LRRC49: variants seen among roughly 807,000 people sequenced by gnomAD.
The protein encoded by LRRC49 is leucine rich repeat containing 49.
A neutral mutation model predicts 83.3 loss-of-function variants in LRRC49; 50 were observed. The observed-to-expected ratio is 0.60, with a 90% CI of 0.48 to 0.76. LRRC49 has a LOEUF of 0.76. LRRC49 is among the 30% of genes least tolerant of loss of function. LRRC49 has a pLI of 0.00. For synonymous variants in LRRC49, 286 were observed against 283.3 expected (o/e 1.01, Z -0.10); for missense variants, 704 against 809.1 (o/e 0.87, Z 1.58).
intron 5 of LRRC49, 65 bp from the exon 6 acceptor site, chr15:70,911,467 C>A (rs1329365600): frequency 2.3e-6 from 2 of 861,942 alleles, no homozygotes; most frequent in African/African-American, 1.7e-5. Context: ...TATGCCTTAG[C>A]ATACTTTGAT....
At chr15:70,995,157 A>G (rs141897920) in intron 11 of LRRC49, among the ~76,000 whole-genome samples, 1 of 152,228 alleles carries the variant, frequency 6.6e-6, no homozygotes, top group Non-Finnish European at 1.5e-5. Context: ...TGACAAAGGA[A>G]AAGATAGAAA....
rs1341458411 is a variant in LRRC49, at chr15:70,893,616, A to G, written c.81A>G (p.Thr27=). The part of the protein sequence containing the change: ...VNCGLHLVIQ[T]SSLPEKNKVE... ...GCGGGCTTCATCTGGTTATTCAAAC[A>G]TCATCGCTTCCTGAAAAAAACAAAG... Residue 27 remains threonine, a synonymous_variant, in exon 2 of 16, where the codon ACA becomes ACG. Transcript: ENST00000260382. 4 of 1,611,576 alleles carry G rather than the reference A, an allele frequency of 2.5e-6. No individual in the cohort carries two copies. The East Asian group carries it at 8.9e-5, about 36-fold the overall frequency.
At chr15:70,878,050 G>C in intron 2 of LRRC49, among the ~76,000 whole-genome samples, 1 of 152,096 alleles carries the variant, frequency 6.6e-6, no homozygotes, top group East Asian at 1.9e-4. Context: ...GGAGAATGGC[G>C]TGAACCCGGG....
intron 8 of LRRC49, among the ~76,000 whole-genome samples, chr15:70,956,570 C>T (rs2036410542): frequency 6.7e-6 from 1 of 149,028 alleles, no homozygotes; most frequent in Admixed American, 6.7e-5. Context: ...TTTCACTATA[C>T]TTACTGTTTT....
At chr15:70,941,208 G>C (rs966591374) in intron 8 of LRRC49, among the ~76,000 whole-genome samples, 3 of 152,120 alleles carry the variant, frequency 2.0e-5, no homozygotes, top group Non-Finnish European at 2.9e-5. Context: ...CAGAAAAATA[G>C]ACTTTGAGGT....
chr15:70,885,733 A>G (rs996561660), intron 2 of LRRC49, among the ~76,000 whole-genome samples: 23 of 152,224 alleles, frequency 1.5e-4, no homozygotes, highest in African/African-American at 5.3e-4. Context: ...CCAAATAGGT[A>G]GAATTTGAAG....
At chr15:71,032,196 G>A (rs1177290011) in intron 14 of LRRC49, among the ~76,000 whole-genome samples, 1 of 152,218 alleles carries the variant, frequency 6.6e-6, no homozygotes, top group African/African-American at 2.4e-5. Flanking sequence ...CAGCGGGGTA[G>A]CACAGTCCCT....
chr15:70,947,507 C>A (rs367784215), intron 8 of LRRC49, among the ~76,000 whole-genome samples: 2 of 152,284 alleles, frequency 1.3e-5, no homozygotes, highest in South Asian at 4.1e-4. Context: ...AACCTTGCAG[C>A]TTTTGGAAAA....
At chr15:70,984,628 TTATTAC>T (rs1274450993) in intron 11 of LRRC49, 3 of 155,660 alleles carry the variant, frequency 1.9e-5, no homozygotes, top group African/African-American at 7.2e-5. Flanking sequence ...TTTTTTATTA[TTATTAC>T]TATTATTATT....
At chr15:70,954,628 AG>A (rs1458562599) in intron 8 of LRRC49, among the ~76,000 whole-genome samples, 3 of 152,046 alleles carry the variant, frequency 2.0e-5, no homozygotes, top group Non-Finnish European at 4.4e-5. Flanking sequence ...TATTGCCCTT[AG>A]GGTTTTTTGA....
chr15:71,047,480 G>C (rs982152626), intron 15 of LRRC49, among the ~76,000 whole-genome samples: 1 of 152,118 alleles, frequency 6.6e-6, no homozygotes, highest in African/African-American at 2.4e-5. Context: ...TTCACTGTCA[G>C]CCTGGATGTT....
chr15:70,856,730 G>A (rs1157745283), intron 1 of LRRC49, among the ~76,000 whole-genome samples: 10 of 152,164 alleles, frequency 6.6e-5, no homozygotes, highest in African/African-American at 2.4e-4. Flanking sequence ...AGGAGAGTGA[G>A]TCCCAGTGAG....
At chr15:70,868,292 A>G (rs1478354478) in intron 1 of LRRC49, among the ~76,000 whole-genome samples, 1 of 152,224 alleles carries the variant, frequency 6.6e-6, no homozygotes, top group African/African-American at 2.4e-5. Flanking sequence ...AATGTAAGCT[A>G]TGACAGTGTA....
At chr15:70,923,679 A>G (rs1277437160) in intron 7 of LRRC49, among the ~76,000 whole-genome samples, 1 of 151,862 alleles carries the variant, frequency 6.6e-6, no homozygotes, top group Non-Finnish European at 1.5e-5. Flanking sequence ...ATATAATTTC[A>G]GAAAATGTTG....
At chr15:70,999,091 T>C (rs1393640531) in intron 11 of LRRC49, among the ~76,000 whole-genome samples, 3 of 152,202 alleles carry the variant, frequency 2.0e-5, no homozygotes, top group Admixed American at 2.0e-4. Context: ...TTCTCCTGGT[T>C]TTCCTTAGTT....
At chr15:70,859,177 C>T (rs1011265986) in intron 1 of LRRC49, 3 of 1,470,078 alleles carry the variant, frequency 2.0e-6, no homozygotes, top group Non-Finnish European at 2.8e-6. Flanking sequence ...AGACTCTGAG[C>T]CAGGAGAAGC....
At chr15:70,958,166 T>G (rs970548444) in intron 8 of LRRC49, among the ~76,000 whole-genome samples, 5 of 152,182 alleles carry the variant, frequency 3.3e-5, no homozygotes, top group Non-Finnish European at 7.4e-5. Context: ...GACTACTACC[T>G]TGGTTTTTGA....
chr15:71,042,007 A>C (rs2039710870), intron 15 of LRRC49, among the ~76,000 whole-genome samples: 1 of 152,164 alleles, frequency 6.6e-6, no homozygotes, highest in Non-Finnish European at 1.5e-5. Context: ...CCAAATAAAA[A>C]CCCAAGTATT....
intron 1 of LRRC49, chr15:70,859,864 G>C: frequency 5.2e-6 from 4 of 769,074 alleles, no homozygotes; most frequent in Non-Finnish European, 2.4e-6. Context: ...AGCTGGCCTT[G>C]GGCATCAAAA....
Sources: gnomAD v4.1 joint callset for allele counts (sites outside exome capture counted in the v4.1 genomes callset) on GRCh38, gnomAD v4.1.1 for gene constraint, MANE v1.5 for transcripts, NCBI Gene and HGNC (gene_info 2026-07-23, HGNC 2026-07-21) for gene names.